Variants in CPNE4 observed in about 807,000 individuals in gnomAD.
CPNE4 encodes copine-4.
In CPNE4, 25 loss-of-function variants were observed where a neutral mutation model predicts 67.9. That is an observed-to-expected ratio of 0.37 (90% CI 0.27 to 0.51). The LOEUF is 0.51. Ranked by LOEUF, CPNE4 falls within the 20% of genes least tolerant of loss-of-function variation. The pLI, the probability that CPNE4 is intolerant of heterozygous loss-of-function variation, is 0.93. For synonymous variants in CPNE4, 242 were observed against 244.9 expected (o/e 0.99, Z 0.11); for missense variants, 464 against 690.8 (o/e 0.67, Z 3.68).
chr3:131,536,115 G>A (rs950703689), intron 15 of CPNE4, among the ~76,000 whole-genome samples: 1 of 152,144 alleles, frequency 6.6e-6, no homozygotes, highest in African/African-American at 2.4e-5. Context: ...GGGTTTAGGG[G>A]TAGTTGCAGG....
At chr3:131,836,403 A>G (rs1169073363) in intron 2 of CPNE4, among the ~76,000 whole-genome samples, 1 of 152,228 alleles carries the variant, frequency 6.6e-6, no homozygotes, top group Non-Finnish European at 1.5e-5. Context: ...ATAAAATTTA[A>G]CACCCATTTG....
At chr3:131,727,620 T>C (rs1312725775) in intron 2 of CPNE4, among the ~76,000 whole-genome samples, 1 of 152,214 alleles carries the variant, frequency 6.6e-6, no homozygotes, top group African/African-American at 2.4e-5. Flanking sequence ...CTATTTAAAG[T>C]ATATATCTAT....
chr3:131,665,217 A>C (rs2080228030), intron 7 of CPNE4, among the ~76,000 whole-genome samples: 1 of 152,118 alleles, frequency 6.6e-6, no homozygotes, highest in South Asian at 2.1e-4. Flanking sequence ...AATCTCTGCC[A>C]GAATTAATGG....
rs1348001055 is a variant in CPNE4, at chr3:131,973,981, GTCCCAGACCAGTTTC to G, written c.-2+60571_-2+60585del. ...TTGAAAAATGTTATCCCAAACTGCA[GTCCCAGACCAGTTTC>G]TTTGAATCACCATGGCAACGAGAGT... On this transcript the variant is annotated intron_variant, in intron 1 of 15. Transcript: ENST00000429747. Among the ~76,000 whole-genome samples, 3 of 152,278 alleles carry G rather than the reference GTCCCAGACCAGTTTC, an allele frequency of 2.0e-5. No individual in the cohort carries two copies. In the East Asian group the frequency reaches 5.8e-4, roughly 29 times the overall value.
chr3:131,601,280 T>TAC (rs1457010582), intron 7 of CPNE4, among the ~76,000 whole-genome samples: 1 of 152,174 alleles, frequency 6.6e-6, no homozygotes, highest in African/African-American at 2.4e-5. Context: ...AGCACACATA[T>TAC]ACACACACAC....
chr3:132,009,898 T>C (rs1229288703), intron 1 of CPNE4, among the ~76,000 whole-genome samples: 2 of 152,212 alleles, frequency 1.3e-5, no homozygotes, highest in East Asian at 3.9e-4. Flanking sequence ...CTAAACTTCC[T>C]ATAATGCACA....
intron 4 of CPNE4, among the ~76,000 whole-genome samples, chr3:131,698,471 C>T (rs2081212694): frequency 6.6e-6 from 1 of 151,886 alleles, no homozygotes; most frequent in Admixed American, 6.6e-5. Context: ...CACTTTGATT[C>T]ATGACTGAAG....
chr3:131,721,753 T>C (rs2081894371), intron 3 of CPNE4, among the ~76,000 whole-genome samples: 1 of 152,202 alleles, frequency 6.6e-6, no homozygotes, highest in Non-Finnish European at 1.5e-5. Flanking sequence ...GGGATGCCCA[T>C]TGTTTAAGGG....
intron 10 of CPNE4, among the ~76,000 whole-genome samples, chr3:131,569,962 C>T (rs1258140157): frequency 6.6e-6 from 1 of 151,782 alleles, no homozygotes; most frequent in Non-Finnish European, 1.5e-5. Context: ...ATTTTTCTTT[C>T]CTCTCTAGGT....
intron 3 of CPNE4, among the ~76,000 whole-genome samples, chr3:131,719,695 G>T (rs1428480842): frequency 6.6e-6 from 1 of 152,114 alleles, no homozygotes; most frequent in Admixed American, 6.5e-5. Context: ...AGATAGAGTG[G>T]GTCCCAGGTA....
At chr3:131,665,765 A>C (rs1053572738) in intron 7 of CPNE4, among the ~76,000 whole-genome samples, 6 of 152,180 alleles carry the variant, frequency 3.9e-5, no homozygotes, top group African/African-American at 1.4e-4. Flanking sequence ...ATATTAGTTT[A>C]AGAAAAAATT....
intron 1 of CPNE4, among the ~76,000 whole-genome samples, chr3:132,025,298 T>C (rs996323693): frequency 2.0e-5 from 3 of 152,166 alleles, no homozygotes; most frequent in Admixed American, 2.0e-4. Flanking sequence ...GGTGGAATGA[T>C]TGATTTTGTA....
chr3:131,648,543 T>C (rs1430960035), intron 7 of CPNE4, among the ~76,000 whole-genome samples: 2 of 152,234 alleles, frequency 1.3e-5, no homozygotes, highest in Non-Finnish European at 2.9e-5. Flanking sequence ...TATATATGAC[T>C]GAAAGAATGA....
At chr3:131,677,796 T>C (rs747641614) in intron 6 of CPNE4, among the ~76,000 whole-genome samples, 1 of 152,332 alleles carries the variant, frequency 6.6e-6, no homozygotes, top group East Asian at 1.9e-4. Flanking sequence ...TCTATGTGTC[T>C]GTTCTTATAC....
chr3:131,908,026 T>C (rs768066590), intron 1 of CPNE4, among the ~76,000 whole-genome samples: 1 of 152,188 alleles, frequency 6.6e-6, no homozygotes, highest in Non-Finnish European at 1.5e-5. Flanking sequence ...ATTATTCTAA[T>C]GGCAGAGCTG....
At chr3:131,738,849 TTTTTC>T (rs1393721032) in intron 2 of CPNE4, among the ~76,000 whole-genome samples, 2 of 112,836 alleles carry the variant, frequency 1.8e-5, no homozygotes, top group African/African-American at 5.5e-5. Flanking sequence ...TGTCTTTTTC[TTTTTC>T]TTTTTTTTTT....
Position 131,773,018 on chromosome 3 carries a change from G to A in CPNE4, c.181-49393C>T, listed in dbSNP as rs146571135. ...TTTGGACTGAACTAACACTTGGGTAGATGACAAAGGGATAGAATTAGTTAA... is the reference window on the plus strand; with the variant it reads ...TTTGGACTGAACTAACACTTGGGTAAATGACAAAGGGATAGAATTAGTTAA... On this transcript the variant is annotated intron_variant, in intron 2 of 15. Transcript: ENST00000429747. Among the ~76,000 whole-genome samples, 556 of 152,260 alleles carry A rather than the reference G, an allele frequency of 3.7e-3. 4 individuals carry two copies. Among genetic ancestry groups the A allele is most frequent in the African/African-American group, 0.013 (520 of 41,556 alleles).
Position 131,866,141 on chromosome 3 carries a change from G to A in CPNE4, c.180+39123C>T, listed in dbSNP as rs141077721. Among the ~76,000 whole-genome samples, 146 of 152,352 alleles carry A rather than the reference G, an allele frequency of 9.6e-4. 1 individual carries two copies. Among genetic ancestry groups the A allele is most frequent in the Middle Eastern group, 6.8e-3 (2 of 294 alleles). ...AAGGCAACAAATTCTTCCACATACA[G>A]GATCTGGATGGCACATCACAGTGCC... On this transcript the variant is annotated intron_variant, in intron 2 of 15. Transcript: ENST00000429747.
intron 2 of CPNE4, among the ~76,000 whole-genome samples, chr3:131,804,711 A>G (rs146814440): frequency 6.6e-6 from 1 of 152,340 alleles, no homozygotes; most frequent in African/African-American, 2.4e-5. Flanking sequence ...GTTCTAAACC[A>G]AGGCCAGAAG....
Sources: gnomAD v4.1 joint callset for allele counts (sites outside exome capture counted in the v4.1 genomes callset) on GRCh38, gnomAD v4.1.1 for gene constraint, MANE v1.5 for transcripts, NCBI Gene and HGNC (gene_info 2026-07-23, HGNC 2026-07-21) for gene names.